ZNF644: variants seen among roughly 807,000 people sequenced by gnomAD.
The protein encoded by ZNF644 is zinc finger motif enhancer binding protein 2.
In ZNF644, 20 loss-of-function variants were observed where a neutral mutation model predicts 108.0. The ratio of observed to expected loss-of-function variants is 0.19; its 90% CI spans 0.13 to 0.27. ZNF644 has a LOEUF of 0.27. Among genes scored for constraint, ZNF644 ranks in the 10% least tolerant of loss-of-function variants. ZNF644 has a pLI of 1.00. For missense variants in ZNF644, 1,338 were observed against 1,548.9 expected (o/e 0.86, Z 2.29); for synonymous variants, 542 against 539.1 (o/e 1.01, Z -0.08).
intron 1 of ZNF644, among the ~76,000 whole-genome samples, chr1:90,992,207 T>A (rs1657702126): frequency 6.6e-6 from 1 of 152,192 alleles, no homozygotes; most frequent in Non-Finnish European, 1.5e-5. Context: ...TTGCTTATCT[T>A]GAATGATTTC....
intron 1 of ZNF644, among the ~76,000 whole-genome samples, chr1:90,997,980 G>A (rs546635022): frequency 1.5e-4 from 23 of 152,218 alleles, no homozygotes; most frequent in Non-Finnish European, 3.1e-4. Context: ...GAACTGCAAG[G>A]CAGCAGCGAG....
At chr1:90,959,245 G>T (rs905001495) in intron 2 of ZNF644, among the ~76,000 whole-genome samples, 8 of 151,884 alleles carry the variant, frequency 5.3e-5, no homozygotes, top group Non-Finnish European at 7.4e-5. Context: ...ATAAACAAAC[G>T]AAAAAACCAA....
At chr1:90,966,316 A>G (rs1570453704) in intron 2 of ZNF644, among the ~76,000 whole-genome samples, 1 of 152,016 alleles carries the variant, frequency 6.6e-6, no homozygotes, top group East Asian at 1.9e-4. Flanking sequence ...TTATTATTTG[A>G]TCATTTGTTT....
chr1:90,944,071 C>T (rs898059383), intron 2 of ZNF644, among the ~76,000 whole-genome samples: 16 of 152,140 alleles, frequency 1.1e-4, no homozygotes, highest in Admixed American at 5.2e-4. Flanking sequence ...ATGTTGCTAA[C>T]GAAGTGGTAA....
intron 1 of ZNF644, among the ~76,000 whole-genome samples, chr1:91,012,820 C>A (rs1278995941): frequency 6.6e-6 from 1 of 151,786 alleles, no homozygotes; most frequent in African/African-American, 2.4e-5. Flanking sequence ...AAGATTTGTG[C>A]ACTTCACTGT....
intron 1 of ZNF644, among the ~76,000 whole-genome samples, chr1:91,004,652 A>G (rs887856591): frequency 1.3e-5 from 2 of 152,162 alleles, no homozygotes; most frequent in African/African-American, 4.8e-5. Context: ...CTCCTGTCTG[A>G]TTTAAAAGGT....
chr1:91,021,817 C>G (rs1660963011), intron 1 of ZNF644, 173 bp downstream of exon 1: 3 of 394,758 alleles, frequency 7.6e-6, no homozygotes, highest in Non-Finnish European at 1.3e-5. Context: ...CGGCAAAATG[C>G]GTCCTTTTGG....
chr1:90,993,500 C>T (rs1445367724), intron 1 of ZNF644, among the ~76,000 whole-genome samples: 1 of 152,136 alleles, frequency 6.6e-6, no homozygotes, highest in African/African-American at 2.4e-5. Flanking sequence ...ATTTAAATCA[C>T]CAAGTTTCAA....
chr1:91,001,941 G>C (rs1658879829), intron 1 of ZNF644, among the ~76,000 whole-genome samples: 1 of 152,102 alleles, frequency 6.6e-6, no homozygotes, highest in Non-Finnish European at 1.5e-5. Flanking sequence ...GCTTCAAAGA[G>C]AATAAAATAC....
intron 1 of ZNF644, among the ~76,000 whole-genome samples, chr1:90,983,618 T>C (rs141604221): frequency 0.028 from 4,322 of 151,978 alleles, 80 homozygotes; most frequent in Non-Finnish European, 0.041. Context: ...AGACACACAC[T>C]GAAGGCAATG....
chr1:90,967,863 T>C (rs1655078299), intron 2 of ZNF644, among the ~76,000 whole-genome samples: 1 of 139,072 alleles, frequency 7.2e-6, no homozygotes, highest in African/African-American at 2.7e-5. Flanking sequence ...CTCACCAATA[T>C]GGTGAAACCC....
At chr1:90,999,829 AGGGAT>A (rs1206324897) in intron 1 of ZNF644, among the ~76,000 whole-genome samples, 1 of 152,232 alleles carries the variant, frequency 6.6e-6, no homozygotes, top group Non-Finnish European at 1.5e-5. Context: ...CTCAAAATAA[AGGGAT>A]GGAAGAAGAT....
At chr1:91,016,453 C>T (rs1473828867) in intron 1 of ZNF644, among the ~76,000 whole-genome samples, 1 of 152,166 alleles carries the variant, frequency 6.6e-6, no homozygotes, top group Non-Finnish European at 1.5e-5. Flanking sequence ...TCCTGTAAAG[C>T]ATGTTATTGT....
chr1:90,945,859 T>G (rs539449167), intron 2 of ZNF644, among the ~76,000 whole-genome samples: 1 of 152,132 alleles, frequency 6.6e-6, no homozygotes, highest in Non-Finnish European at 1.5e-5. Context: ...TGCCAACCTT[T>G]GTTGTGTTGT....
rs1045479036 is a variant in ZNF644, at chr1:90,984,555, T to C, written c.-17-2185A>G. ...GGCACACACCACCATGCCTGGCTAA[T>C]TTTTTATTTTTATTTTTAGTAGAGA... On this transcript the variant is annotated intron_variant, in intron 1 of 5. Coordinates refer to ENST00000337393, the MANE Select transcript of ZNF644 (RefSeq NM_201269.3). Among the ~76,000 whole-genome samples the C allele has an allele frequency of 5.3e-5, 8 of 152,072 alleles. No homozygotes were observed. The East Asian group carries it at 1.5e-3, about 29-fold the overall frequency.
chr1:91,011,345 AG>A (rs1364708846), intron 1 of ZNF644, among the ~76,000 whole-genome samples: 1 of 152,224 alleles, frequency 6.6e-6, no homozygotes, highest in Non-Finnish European at 1.5e-5. Context: ...AATGTTAATG[AG>A]AAAGTCTTTT....
intron 2 of ZNF644, among the ~76,000 whole-genome samples, chr1:90,942,810 T>A (rs1342114598): frequency 6.6e-6 from 1 of 152,188 alleles, no homozygotes; most frequent in African/African-American, 2.4e-5. Context: ...ATTGAAGTAC[T>A]GGCATCATAA....
At chr1:90,974,267 T>A (rs1255922015) in intron 2 of ZNF644, among the ~76,000 whole-genome samples, 1 of 151,996 alleles carries the variant, frequency 6.6e-6, no homozygotes, top group Non-Finnish European at 1.5e-5. Flanking sequence ...AGGCAGAGAT[T>A]GCAGTGGGCC....
chr1:90,927,838 TTTCC>T lies in ZNF644; in HGVS notation c.3688+9643_3688+9646del, dbSNP rs965020962. On this transcript the variant is annotated intron_variant, in intron 4 of 5. Transcript: ENST00000337393. ...TCTTCCTCCCTCCTTCACTTCCTTCTTTCCTTCCTTCCTTCCTTCTTTGGAGATG... is the reference window on the plus strand; with the variant it reads ...TCTTCCTCCCTCCTTCACTTCCTTCTTTCCTTCCTTCCTTCTTTGGAGATG... Among the ~76,000 whole-genome samples, 28 of 151,880 alleles carry T rather than the reference TTTCC, an allele frequency of 1.8e-4. 1 individual carries two copies. The highest frequency in any genetic ancestry group is 1.5e-3 in the East Asian group (8 of 5,170).
Sources: gnomAD v4.1 joint callset for allele counts (sites outside exome capture counted in the v4.1 genomes callset) on GRCh38, gnomAD v4.1.1 for gene constraint, MANE v1.5 for transcripts, NCBI Gene and HGNC (gene_info 2026-07-23, HGNC 2026-07-21) for gene names.